Variants in SYNJ2BP observed in about 807,000 individuals in gnomAD.
SYNJ2BP encodes the protein synaptojanin-2-binding protein.
SYNJ2BP carries 10 observed loss-of-function variants against 16.9 expected under a neutral mutation model. The ratio of observed to expected loss-of-function variants is 0.59; its 90% CI spans 0.36 to 1.00. SYNJ2BP has a LOEUF of 1.00. Among genes scored for constraint, SYNJ2BP ranks in the 50% least tolerant of loss-of-function variants. SYNJ2BP has a pLI of 0.01. For synonymous variants in SYNJ2BP, 54 were observed against 68.4 expected (o/e 0.79, Z 1.04); for missense variants, 162 against 186.7 (o/e 0.87, Z 0.77).
At chr14:70,385,809 T>C (rs974124024) in intron 2 of SYNJ2BP, among the ~76,000 whole-genome samples, 2 of 152,298 alleles carry the variant, frequency 1.3e-5, no homozygotes, top group Non-Finnish European at 2.9e-5. Flanking sequence ...TATAACATAG[T>C]GGTTTAAAAA....
At chr14:70,388,959 G>C (rs1887921443) in intron 1 of SYNJ2BP, among the ~76,000 whole-genome samples, 1 of 150,562 alleles carries the variant, frequency 6.6e-6, no homozygotes, top group Admixed American at 6.6e-5. Context: ...TTGCTAGTGG[G>C]CATAGTGGTG....
chr14:70,404,186 A>T (rs1888300018), intron 1 of SYNJ2BP, among the ~76,000 whole-genome samples: 2 of 151,296 alleles, frequency 1.3e-5, no homozygotes, highest in African/African-American at 4.9e-5. Context: ...AAAAAAAAAA[A>T]TTAGCAGGGC....
chr14:70,409,183 C>T (rs920169674), intron 1 of SYNJ2BP, among the ~76,000 whole-genome samples: 1 of 152,050 alleles, frequency 6.6e-6, no homozygotes, highest in Non-Finnish European at 1.5e-5. Flanking sequence ...CCAAAGTGCT[C>T]GGATTACAGG....
chr14:70,394,102 C>G (rs747830499), intron 1 of SYNJ2BP, among the ~76,000 whole-genome samples: 2 of 150,682 alleles, frequency 1.3e-5, no homozygotes, highest in Non-Finnish European at 2.9e-5. Context: ...TACAAGGTAA[C>G]CAGGCTTGTA....
At chr14:70,381,323 A>G (rs11849033) in intron 2 of SYNJ2BP, among the ~76,000 whole-genome samples, 5 of 152,166 alleles carry the variant, frequency 3.3e-5, no homozygotes, top group Non-Finnish European at 7.3e-5. Flanking sequence ...AATTTAAGAG[A>G]CGTTATTCTA....
At chr14:70,398,518 C>T (rs1888156708) in intron 1 of SYNJ2BP, among the ~76,000 whole-genome samples, 1 of 152,180 alleles carries the variant, frequency 6.6e-6, no homozygotes. Flanking sequence ...CAGCACTGCC[C>T]TAAGTGTGTA....
At position 70,388,535 on chromosome 14, in the gene SYNJ2BP, G is replaced by A. The variant is rs781650989; in HGVS notation, c.136C>T (p.Arg46Cys). 9.4e-6 allele frequency: 15 copies of A among 1,600,598 alleles called. No homozygotes were observed. The highest frequency in any genetic ancestry group is 1.0e-5 in the Non-Finnish European group (12 of 1,173,874). ...GCCGCAGCCCCATTTTCTTTGATGC[G>A]GCTGACGTAGATGCCACTGTCGTTG... ...VSNDSGIYVSRIKENGAAALD... is the reference protein window; with the variant it reads ...VSNDSGIYVSCIKENGAAALD... Residue 46 changes from arginine to cysteine, a missense_variant, in exon 2 of 4, where the codon CGC becomes TGC. Coordinates refer to ENST00000256366, the MANE Select transcript of SYNJ2BP (RefSeq NM_018373.3).
At chr14:70,397,288 G>C (rs747279149) in intron 1 of SYNJ2BP, among the ~76,000 whole-genome samples, 14 of 151,674 alleles carry the variant, frequency 9.2e-5, no homozygotes, top group Non-Finnish European at 1.9e-4. Context: ...ACGCCTGTTA[G>C]GTCTAATTTG....
intron 1 of SYNJ2BP, among the ~76,000 whole-genome samples, chr14:70,410,952 A>G (rs1456830690): frequency 6.6e-6 from 1 of 152,212 alleles, no homozygotes; most frequent in Admixed American, 6.5e-5. Context: ...ACAAACCCAC[A>G]TGACACTGTT....
intron 1 of SYNJ2BP, among the ~76,000 whole-genome samples, 185 bp from the exon 2 acceptor site, chr14:70,388,791 T>C (rs1007482869): frequency 6.6e-6 from 1 of 152,152 alleles, no homozygotes; most frequent in Non-Finnish European, 1.5e-5. Flanking sequence ...ATCAAGAGTA[T>C]TGAGTTGCTC....
intron 2 of SYNJ2BP, among the ~76,000 whole-genome samples, chr14:70,383,337 G>A (rs1887792687): frequency 6.6e-6 from 1 of 152,176 alleles, no homozygotes; most frequent in African/African-American, 2.4e-5. Flanking sequence ...TAAGGTAAGC[G>A]CAGAGACCAG....
rs893134971 is a variant in SYNJ2BP at position 70,368,217 on chromosome 14, T to A, written c.*4774A>T. On this transcript the variant is annotated 3_prime_UTR_variant, in exon 4 of 4. Transcript: ENST00000256366. ...ATAACTCATCTGATTGGATTTGATA[T>A]GAGATCATTCTCAGATTGTTCTGTG... The A allele has an allele frequency of 2.6e-5, 4 of 152,232 alleles. No homozygotes were observed. The highest frequency in any genetic ancestry group is 9.6e-5 in the African/African-American group (4 of 41,456). 9.4% of individuals were successfully genotyped at this position (152,232 alleles called of 1,614,324 possible). A position where few individuals can be genotyped will look rare whatever the true frequency, so the allele number is the denominator to read the frequency against.
intron 1 of SYNJ2BP, among the ~76,000 whole-genome samples, chr14:70,414,594 CAGG>C (rs1888562268): frequency 6.6e-6 from 1 of 152,170 alleles, no homozygotes; most frequent in African/African-American, 2.4e-5. Context: ...CTGCTTTAGA[CAGG>C]AGATCTGAAA....
At chr14:70,397,162 A>T (rs8014179) in intron 1 of SYNJ2BP, among the ~76,000 whole-genome samples, 36,383 of 152,020 alleles carry the variant, frequency 0.24, 6,148 homozygotes, top group East Asian at 0.62. Flanking sequence ...ACATAATGTT[A>T]AGGCAAAAAT....
intron 2 of SYNJ2BP, among the ~76,000 whole-genome samples, chr14:70,379,700 A>G (rs1887706500): frequency 6.6e-6 from 1 of 152,164 alleles, no homozygotes; most frequent in Non-Finnish European, 1.5e-5. Context: ...CAATGACTCA[A>G]TTTTCTAGTT....
intron 2 of SYNJ2BP, among the ~76,000 whole-genome samples, chr14:70,381,289 C>T (rs1272095603): frequency 6.6e-6 from 1 of 152,172 alleles, no homozygotes. Context: ...TTTCAACCCT[C>T]CTAGTTAAGG....
At chr14:70,394,898 T>C (rs897517275) in intron 1 of SYNJ2BP, among the ~76,000 whole-genome samples, 1 of 152,204 alleles carries the variant, frequency 6.6e-6, no homozygotes, top group African/African-American at 2.4e-5. Flanking sequence ...TAAGCAACTT[T>C]ACAAAAATGT....
chr14:70,379,515 C>A (rs1300207438), intron 2 of SYNJ2BP, among the ~76,000 whole-genome samples: 1 of 152,148 alleles, frequency 6.6e-6, no homozygotes, highest in Non-Finnish European at 1.5e-5. Flanking sequence ...TTAAAAAATT[C>A]TATTTATCTT....
intron 2 of SYNJ2BP, among the ~76,000 whole-genome samples, chr14:70,388,199 T>C (rs568392260): frequency 1.9e-4 from 29 of 152,314 alleles, no homozygotes; most frequent in African/African-American, 7.0e-4. Context: ...CTTTTCCCCA[T>C]ATGAGTCCCT....
Sources: gnomAD v4.1 joint callset for allele counts (sites outside exome capture counted in the v4.1 genomes callset) on GRCh38, gnomAD v4.1.1 for gene constraint, MANE v1.5 for transcripts, NCBI Gene and HGNC (gene_info 2026-07-23, HGNC 2026-07-21) for gene names.